The following PRRC2B variants were observed in gnomAD, a reference collection of about 807,000 sequenced individuals.
The protein encoded by PRRC2B is proline rich coiled-coil 2B.
A neutral mutation model predicts 242.3 loss-of-function variants in PRRC2B; 68 were observed. That is an observed-to-expected ratio of 0.28 (90% confidence interval 0.23 to 0.34). PRRC2B has a LOEUF of 0.34. PRRC2B is among the 10% of genes least tolerant of loss of function. The pLI is 1.00. For missense variants in PRRC2B, 2,835 were observed against 2,954.8 expected (o/e 0.96, Z 0.94); for synonymous variants, 1,228 against 1,173.6 (o/e 1.05, Z -0.95).
At position 131,473,585 on chromosome 9, in the gene PRRC2B, C is replaced by A; in HGVS notation, c.2185C>A (p.Pro729Thr). 6.2e-7 allele frequency: 1 copy of A among 1,611,632 alleles called. No individual in the cohort carries two copies. Among genetic ancestry groups the A allele is most frequent in the South Asian group, 1.1e-5 (1 of 90,434 alleles). The change falls in exon 15 of 32, where the codon CCA becomes ACA. Residue 729 changes from proline (P) to threonine (T), a missense_variant. Transcript: ENST00000683519. ...CTCTGAGGATCAGAACTGTGTGCCC[C>A]CACTCCAAGAAAGAAAAGTGACCCC... ...CRSEDQNCVPPLQERKVTPID... is the reference protein window; with the variant it reads ...CRSEDQNCVPTLQERKVTPID...
chr9:131,487,328 C>T lies in PRRC2B; in HGVS notation c.5984+34C>T, dbSNP rs1944053620. 1.9e-6 allele frequency: 3 copies of T among 1,553,706 alleles called. No individual in the cohort carries two copies. The East Asian group carries it at 7.0e-5, about 36-fold the overall frequency. ...ATGTACCAGCTTGCGGAGCTGGCAG[C>T]TCACAGCCAGGGCCTTGGCCCTGTG... On this transcript the variant is annotated intron_variant, in intron 27 of 31. Coordinates refer to ENST00000683519, the MANE Select transcript of PRRC2B (RefSeq NM_013318.4). The surrounding 1 kb of genome is among the most constrained non-coding windows in gnomAD (Gnocchi z 5.3).
At chr9:131,480,776 C>CT (rs1281384671) in intron 19 of PRRC2B, among the ~76,000 whole-genome samples, 4 of 151,936 alleles carry the variant, frequency 2.6e-5, no homozygotes, top group Non-Finnish European at 5.9e-5. Context: ...GCATGCATAT[C>CT]TATTTTTCTG....
intron 19 of PRRC2B, 22 bp from the exon 20 acceptor site, chr9:131,481,704 C>T (rs1319378593): frequency 1.7e-5 from 27 of 1,548,708 alleles, no homozygotes; most frequent in African/African-American, 4.1e-5. Context: ...GATGCCCTGA[C>T]TCTGTCTTCC....
rs536088950 is a variant in PRRC2B, at chr9:131,456,548, A to G, written c.1211+1382A>G. ...CGGGAGGCTGAGGCAGGAGAATGGC[A>G]TGAACCCGGGAGGCGGAGCTTGCAG... On this transcript the variant is annotated intron_variant, in intron 10 of 31. Transcript: ENST00000683519. Among the ~76,000 whole-genome samples the G allele has an allele frequency of 4.6e-5, 7 of 151,802 alleles. No individual in the cohort carries two copies. In the South Asian group the frequency reaches 6.2e-4, roughly 14 times the overall value.
intron 1 of PRRC2B, among the ~76,000 whole-genome samples, chr9:131,428,371 C>T (rs555370379): frequency 4.3e-4 from 66 of 152,116 alleles, no homozygotes; most frequent in African/African-American, 1.5e-3. Flanking sequence ...CAGGTGCATG[C>T]CACCATGCCC....
At position 131,494,924 on chromosome 9, in the gene PRRC2B, G is replaced by A. The variant is rs1220655339; in HGVS notation, c.6555+438G>A. On this transcript the variant is annotated intron_variant, in intron 31 of 31. Coordinates refer to ENST00000683519, the MANE Select transcript of PRRC2B (RefSeq NM_013318.4). This position sits in a 1 kb window ranked among gnomAD's most constrained non-coding sequence, Gnocchi z 4.3. ...AAGTTTTCCCATTTTATAATGAAAA[G>A]GACATCGCAGTGTCTTTTCCTGCAC... is the stretch of plus-strand genomic sequence containing the variant. Among the ~76,000 whole-genome samples, 1 of 152,216 alleles carries A rather than the reference G, an allele frequency of 6.6e-6. No individual in the cohort carries two copies. The highest frequency in any genetic ancestry group is 1.9e-4 in the East Asian group (1 of 5,194).
intron 1 of PRRC2B, among the ~76,000 whole-genome samples, chr9:131,405,691 C>A (rs1246987830): frequency 6.6e-6 from 1 of 152,018 alleles, no homozygotes; most frequent in Admixed American, 6.6e-5. Flanking sequence ...AGAGGAGGTG[C>A]GGTTTGGAAT....
At position 131,410,673 on chromosome 9, in the gene PRRC2B, G is replaced by A. The variant is rs552040320; in HGVS notation, c.-52+16410G>A. 7.2e-5 allele frequency among the ~76,000 whole-genome samples: 11 copies of A among 152,276 alleles called. No homozygotes were observed. The South Asian group carries it at 2.1e-3, about 29-fold the overall frequency. ...AAGTACTAATACCCTTCTCTGAGTG[G>A]TTTATCTATTTTGTTTCTTCGTTCA... On this transcript the variant is annotated intron_variant, in intron 1 of 31. Coordinates refer to ENST00000683519, the MANE Select transcript of PRRC2B (RefSeq NM_013318.4).
rs1838888704 is a variant in PRRC2B, at chr9:131,448,545, A to AAAAAAAAAAAAAAAAAC, written c.1120+757_1120+758insCAAAAAAAAAAAAAAAA. On this transcript the variant is annotated intron_variant, in intron 9 of 31. Coordinates refer to ENST00000683519, the MANE Select transcript of PRRC2B (RefSeq NM_013318.4). ...GGCGACAGAGGGAGACACTGTCTCA[A>AAAAAAAAAAAAAAAAAC]AAAAAAAAAAAAAAAAAAAAAAAAA... 5.6e-4 allele frequency among the ~76,000 whole-genome samples: 56 copies of AAAAAAAAAAAAAAAAAC among 100,514 alleles called. 7 individuals carry two copies. Among genetic ancestry groups the AAAAAAAAAAAAAAAAAC allele is most frequent in the Non-Finnish European group, 8.9e-4 (44 of 49,598 alleles). The allele number at this position is 100,514 out of a possible 152,430, so 65.9% of individuals were successfully genotyped here.
Position 131,497,400 on chromosome 9 carries a change from C to T in PRRC2B, c.*1526C>T, listed in dbSNP as rs1447205552. 1 of 152,224 alleles carries T rather than the reference C, an allele frequency of 6.6e-6. No individual in the cohort carries two copies. Among genetic ancestry groups the T allele is most frequent in the Non-Finnish European group, 1.5e-5 (1 of 68,062 alleles). The allele number at this position is 152,224 out of a possible 1,614,324, so 9.4% of individuals were successfully genotyped here. ...GAAGGGGACAGTTCAGGTTTCTCAGCTGTTCTTAGGGGTCACTGAGCGTCT... is the reference window on the plus strand; with the variant it reads ...GAAGGGGACAGTTCAGGTTTCTCAGTTGTTCTTAGGGGTCACTGAGCGTCT... On this transcript the variant is annotated 3_prime_UTR_variant, in exon 32 of 32. Transcript: ENST00000683519.
At position 131,480,215 on chromosome 9, in the gene PRRC2B, C is replaced by T. The variant is rs190647909; in HGVS notation, c.4900+822C>T. Among the ~76,000 whole-genome samples, 14 of 152,292 alleles carry T rather than the reference C, an allele frequency of 9.2e-5. 1 individual carries two copies. The highest frequency in any genetic ancestry group is 8.5e-4 in the Admixed American group (13 of 15,294). Reference sequence around the variant, plus strand: ...GACTCCAGGGTCATAGGACAAGCACCCGAGACACTGAGTTCTGGGCCTTGA... The same window carrying T: ...GACTCCAGGGTCATAGGACAAGCACTCGAGACACTGAGTTCTGGGCCTTGA... On this transcript the variant is annotated intron_variant, in intron 19 of 31. Coordinates refer to ENST00000683519, the MANE Select transcript of PRRC2B (RefSeq NM_013318.4).
chr9:131,440,537 A>G (rs1419415823), intron 5 of PRRC2B, among the ~76,000 whole-genome samples: 1 of 152,234 alleles, frequency 6.6e-6, no homozygotes, highest in Non-Finnish European at 1.5e-5. Context: ...ATAATAACAC[A>G]TAATACCCTT....
At chr9:131,489,898 C>T (rs1173183702) in intron 28 of PRRC2B, among the ~76,000 whole-genome samples, 1 of 152,074 alleles carries the variant, frequency 6.6e-6, no homozygotes, top group African/African-American at 2.4e-5. Context: ...GGCCGTCGCT[C>T]CTGGCTTTCC....
At chr9:131,465,317 G>A (rs1943362442) in intron 12 of PRRC2B, among the ~76,000 whole-genome samples, 1 of 152,166 alleles carries the variant, frequency 6.6e-6, no homozygotes, top group South Asian at 2.1e-4. Context: ...ATTGTGTGAT[G>A]CTGAGATTTG....
chr9:131,481,584 TA>T, intron 19 of PRRC2B, 141 bp from the exon 20 acceptor site: 1 of 670,122 alleles, frequency 1.5e-6, no homozygotes, highest in South Asian at 1.7e-5. Flanking sequence ...GTGTCACGGG[TA>T]GGGGGCTGGG....
chr9:131,477,200 G>C (rs557103671), intron 16 of PRRC2B, among the ~76,000 whole-genome samples: 1 of 152,350 alleles, frequency 6.6e-6, no homozygotes, highest in African/African-American at 2.4e-5. Flanking sequence ...GGGAGGTGCA[G>C]GGGCTGCTGA....
At chr9:131,424,109 T>A (rs78955264) in intron 1 of PRRC2B, among the ~76,000 whole-genome samples, 1,944 of 152,268 alleles carry the variant, frequency 0.013, 18 homozygotes, top group East Asian at 0.066. Context: ...CTAATTTTTT[T>A]AAATATAGTT....
chr9:131,432,329 C>A (rs1339315535), intron 2 of PRRC2B, among the ~76,000 whole-genome samples: 1 of 152,160 alleles, frequency 6.6e-6, no homozygotes, highest in Non-Finnish European at 1.5e-5. Flanking sequence ...CCTGTCTCCT[C>A]ACCCATGTTG....
chr9:131,403,296 T>C (rs1432672978), intron 1 of PRRC2B, among the ~76,000 whole-genome samples: 1 of 152,178 alleles, frequency 6.6e-6, no homozygotes, highest in Non-Finnish European at 1.5e-5. Flanking sequence ...GTTTTTTGTT[T>C]GTTTGTTTGT....
Sources: allele counts gnomAD v4.1 joint callset (sites outside exome capture counted in the v4.1 genomes callset), GRCh38; gene constraint gnomAD v4.1.1; non-coding constraint Gnocchi (gnomAD v3.1); transcripts MANE v1.5; gene names NCBI Gene and HGNC (gene_info 2026-07-23, HGNC 2026-07-21).